Variants in NCOA2 observed in about 807,000 individuals in gnomAD.
The protein encoded by NCOA2 is nuclear receptor coactivator 2, also known as class E basic helix-loop-helix protein 75.
NCOA2 carries 21 observed loss-of-function variants against 145.1 expected under a neutral mutation model. The ratio of observed to expected loss-of-function variants is 0.14; its 90% CI spans 0.10 to 0.21. The LOEUF (loss-of-function observed/expected upper bound fraction) is 0.21, where lower values mean the gene tolerates loss of function less well. NCOA2 is among the 10% of genes least tolerant of loss of function. The pLI, the probability that NCOA2 is intolerant of heterozygous loss-of-function variation, is 1.00. For synonymous variants in NCOA2, 619 were observed against 637.5 expected, an observed-to-expected ratio of 0.97 and a Z score of 0.44; for missense variants, 1,472 against 1,837.6, an observed-to-expected ratio of 0.80 and a Z score of 3.64.
chr8:70,313,299 T>A (rs544074298), intron 1 of NCOA2, among the ~76,000 whole-genome samples: 65 of 152,354 alleles, frequency 4.3e-4, no homozygotes, highest in Non-Finnish European at 8.1e-4. Flanking sequence ...TAACCCTTCC[T>A]CTAGGCAACG....
intron 2 of NCOA2, among the ~76,000 whole-genome samples, chr8:70,278,254 T>C (rs1418628195): frequency 6.6e-6 from 1 of 152,236 alleles, no homozygotes; most frequent in African/African-American, 2.4e-5. Context: ...CTTCTTTTTA[T>C]TGCCAAATAA....
At chr8:70,377,848 C>CA (rs755425716) in intron 1 of NCOA2, among the ~76,000 whole-genome samples, 3 of 151,974 alleles carry the variant, frequency 2.0e-5, no homozygotes, top group East Asian at 1.9e-4. Flanking sequence ...ATTAAATGGG[C>CA]AAAAAAGCAC....
chr8:70,417,203 C>A, the NCOA2 span, among the ~76,000 whole-genome samples: 2 of 135,288 alleles, frequency 1.5e-5, no homozygotes, highest in Non-Finnish European at 3.0e-5. Context: ...AGGCCAGGAG[C>A]TTGAGATCAG....
chr8:70,398,590 A>G (rs905228505), intron 1 of NCOA2, among the ~76,000 whole-genome samples: 2 of 152,244 alleles, frequency 1.3e-5, no homozygotes, highest in African/African-American at 2.4e-5. Context: ...GCTAATTTCA[A>G]TTCTCCACGT....
rs754361818 is a variant in NCOA2 at position 70,162,769 on chromosome 8, C to T, written c.918G>A (p.Lys306=). ...WEDLVRRCIQ[K]FHAQHEGESV... is the part of the protein sequence containing the mutation. ...ATTCTCCTTCATGCTGCGCATGGAA[C>T]TTCTGAATACACCTTCTTACCAGGT... Residue 306 remains lysine (K), a synonymous_variant, in exon 9 of 23, where the codon AAG becomes AAA. Transcript: ENST00000452400. 4.2e-5 allele frequency: 67 copies of T among 1,613,854 alleles called. No homozygotes were observed. Among genetic ancestry groups the T allele is most frequent in the Non-Finnish European group, 5.4e-5 (64 of 1,179,872 alleles).
Position 70,273,113 on chromosome 8 carries a change from T to C in NCOA2, c.-20+23631A>G, listed in dbSNP as rs549589624. ...AAAATTATTTCAATGGATGAAACAA[T>C]GAATCAGTACCTATTTATATGCTGC... is the stretch of plus-strand genomic sequence containing the variant. On this transcript the variant is annotated intron_variant, in intron 2 of 22. Transcript: ENST00000452400. Among the ~76,000 whole-genome samples the C allele has an allele frequency of 8.2e-4, 125 of 152,280 alleles. 1 individual carries two copies. Among genetic ancestry groups the C allele is most frequent in the African/African-American group, 2.9e-3 (121 of 41,558 alleles).
At chr8:70,179,091 A>G (rs1815185513) in intron 4 of NCOA2, among the ~76,000 whole-genome samples, 1 of 152,204 alleles carries the variant, frequency 6.6e-6, no homozygotes, top group Non-Finnish European at 1.5e-5. Flanking sequence ...AGAATGAGAA[A>G]TTTTTATTCC....
chr8:70,397,422 C>A (rs1813773972), intron 1 of NCOA2, among the ~76,000 whole-genome samples: 1 of 147,830 alleles, frequency 6.8e-6, no homozygotes, highest in African/African-American at 2.5e-5. Flanking sequence ...CACTGCACTC[C>A]AACCTGGGTA....
Position 70,157,089 on chromosome 8 carries a change from G to A in NCOA2, c.1276C>T (p.Pro426Ser), listed in dbSNP as rs1214426401. Reference sequence around the variant, plus strand: ...ATTTGTTCCTTTGGGCCATTTATGGGAAAATTTATATTGCTACTGAGGGTC... The same window carrying A: ...ATTTGTTCCTTTGGGCCATTTATGGAAAAATTTATATTGCTACTGAGGGTC... The part of the protein sequence containing the change: ...DMTLSSNINF[P>S]INGPKEQMGM... Residue 426 changes from proline to serine, a missense_variant, in exon 11 of 23, where the codon CCC (proline) becomes TCC (serine). Around this residue, in one of 4 missense-constraint regions of NCOA2, gnomAD observed 953 missense variants for 1,062.1 expected, o/e 0.90. Coordinates refer to ENST00000452400, the MANE Select transcript of NCOA2 (RefSeq NM_006540.4). 2 of 1,614,028 alleles carry A rather than the reference G, an allele frequency of 1.2e-6. No homozygotes were observed. The highest frequency in any genetic ancestry group is 2.2e-5 in the South Asian group (2 of 91,084).
the NCOA2 span, among the ~76,000 whole-genome samples, chr8:70,452,371 A>G: frequency 6.6e-6 from 1 of 152,228 alleles, no homozygotes; most frequent in South Asian, 2.1e-4. Context: ...TACGGAATGC[A>G]AATCAAAACT....
chr8:70,236,711 C>T (rs1434395232), intron 2 of NCOA2, among the ~76,000 whole-genome samples: 1 of 152,066 alleles, frequency 6.6e-6, no homozygotes, highest in East Asian at 1.9e-4. Context: ...AATAAAAAAG[C>T]AGTACAATAT....
chr8:70,287,548 GAGT>G (rs1401714265), intron 2 of NCOA2, among the ~76,000 whole-genome samples: 1 of 152,210 alleles, frequency 6.6e-6, no homozygotes, highest in East Asian at 1.9e-4. Context: ...GAATCAAAGG[GAGT>G]AGGGCTGGGC....
chr8:70,204,688 G>T (rs4236982), intron 4 of NCOA2, among the ~76,000 whole-genome samples: 1 of 152,142 alleles, frequency 6.6e-6, no homozygotes, highest in Admixed American at 6.5e-5. Flanking sequence ...GAACAAACAT[G>T]ATACTCAAAA....
intron 4 of NCOA2, among the ~76,000 whole-genome samples, chr8:70,194,038 G>T (rs1007944339): frequency 3.3e-5 from 5 of 152,174 alleles, no homozygotes; most frequent in African/African-American, 1.2e-4. Flanking sequence ...AGATATCAAG[G>T]TTCTAACACT....
intron 1 of NCOA2, among the ~76,000 whole-genome samples, chr8:70,312,903 T>C (rs1805255213): frequency 6.6e-6 from 1 of 152,184 alleles, no homozygotes; most frequent in Non-Finnish European, 1.5e-5. Context: ...CTAAATCACA[T>C]ACCCAGAACT....
rs368777145 is a variant in NCOA2, at chr8:70,213,888, A to G, written c.259+15T>C. The G allele has an allele frequency of 1.3e-6, 2 of 1,561,810 alleles. No homozygotes were observed. The highest frequency in any genetic ancestry group is 1.7e-6 in the Non-Finnish European group (2 of 1,154,230). The stretch of plus-strand genomic sequence containing the variant: ...ACCAATTCAACTCTTCAAAATACTA[A>G]TTCAGTCCTCTTACCTTGTTCTTTG... On this transcript the variant is annotated intron_variant, in intron 4 of 22. Coordinates refer to ENST00000452400, the MANE Select transcript of NCOA2 (RefSeq NM_006540.4).
intron 1 of NCOA2, among the ~76,000 whole-genome samples, chr8:70,360,774 C>G (rs1309912754): frequency 6.6e-6 from 1 of 151,822 alleles, no homozygotes; most frequent in African/African-American, 2.4e-5. Context: ...CACATCTCTA[C>G]TAAAAATACA....
intron 2 of NCOA2, among the ~76,000 whole-genome samples, chr8:70,292,246 G>A (rs1826750888): frequency 6.6e-6 from 1 of 151,652 alleles, no homozygotes; most frequent in African/African-American, 2.4e-5. Flanking sequence ...TCCACCTCCT[G>A]GGTTCAAGCG....
intron 4 of NCOA2, among the ~76,000 whole-genome samples, chr8:70,192,166 T>C (rs1422187305): frequency 6.6e-6 from 1 of 152,170 alleles, no homozygotes; most frequent in East Asian, 1.9e-4. Context: ...TGGAATACCA[T>C]TTAGTAGGAG....
Sources: allele counts gnomAD v4.1 joint callset (sites outside exome capture counted in the v4.1 genomes callset), GRCh38; gene constraint gnomAD v4.1.1; regional missense constraint gnomAD v4.1.1; transcripts MANE v1.5; gene names NCBI Gene and HGNC (gene_info 2026-07-23, HGNC 2026-07-21).